The following TPRG1 variants were observed in gnomAD, a reference collection of about 807,000 sequenced individuals.
TPRG1 encodes tumor protein p63-regulated gene 1 protein.
TPRG1 carries 29 observed loss-of-function variants against 29.3 expected under a neutral mutation model. The observed-to-expected ratio is 0.99, with a 90% CI of 0.74 to 1.35. The LOEUF is 1.35. Ranked by LOEUF, TPRG1 falls within the 40% of genes most tolerant of loss-of-function variation. TPRG1 has a pLI of 0.00. For missense variants in TPRG1, 327 were observed against 335.0 expected (o/e 0.98, Z 0.19); for synonymous variants, 130 against 116.8 (o/e 1.11, Z -0.73).
At chr3:189,168,937 C>G (rs7619387), upstream of TPRG1, among the ~76,000 whole-genome samples, 12,087 of 152,228 alleles carry the variant, frequency 0.079, 529 homozygotes, top group Middle Eastern at 0.15. Context: ...TGTACTTCCT[C>G]CTGCCCATCT....
intron 5 of TPRG1, among the ~76,000 whole-genome samples, chr3:189,317,221 T>C (rs1046812270): frequency 2.0e-5 from 3 of 152,198 alleles, no homozygotes; most frequent in African/African-American, 7.2e-5. Flanking sequence ...CTTTGGATAA[T>C]CCAGACTTTG....
At chr3:189,297,183 G>A (rs2109242029) in intron 4 of TPRG1, among the ~76,000 whole-genome samples, 1 of 152,074 alleles carries the variant, frequency 6.6e-6, no homozygotes, top group African/African-American at 2.4e-5. Context: ...GTTTCACTAT[G>A]TTGGCCAAGC....
intron 4 of TPRG1, among the ~76,000 whole-genome samples, chr3:189,028,763 C>T (rs577702997): frequency 2.0e-5 from 3 of 152,274 alleles, no homozygotes; most frequent in Non-Finnish European, 4.4e-5. Context: ...TAGTAGTTAG[C>T]ATGGTCATTT....
intron 5 of TPRG1, among the ~76,000 whole-genome samples, chr3:189,165,273 A>G (rs187978715): frequency 1.3e-5 from 2 of 151,874 alleles, no homozygotes; most frequent in Non-Finnish European, 2.9e-5. Flanking sequence ...CCTGCCGCCC[A>G]GTGTTCCAGA....
intron 5 of TPRG1, among the ~76,000 whole-genome samples, chr3:189,157,860 G>A (rs1383675933): frequency 1.3e-5 from 2 of 152,180 alleles, no homozygotes; most frequent in Non-Finnish European, 2.9e-5. Context: ...CCTTCCGGCT[G>A]TAGCAAATCT....
At chr3:189,259,636 T>C (rs1432029203) in intron 4 of TPRG1, among the ~76,000 whole-genome samples, 4 of 151,644 alleles carry the variant, frequency 2.6e-5, no homozygotes, top group Non-Finnish European at 5.9e-5. Context: ...ACCCTGATAA[T>C]TTTTTGTATT....
At chr3:189,126,637 C>T (rs1244243394) in intron 1 of TPRG1, among the ~76,000 whole-genome samples, 1 of 152,106 alleles carries the variant, frequency 6.6e-6, no homozygotes, top group Non-Finnish European at 1.5e-5. Context: ...CCATTATTTC[C>T]TAGCTCTATG....
intron 4 of TPRG1, among the ~76,000 whole-genome samples, chr3:189,078,133 C>G (rs867201336): frequency 1.3e-5 from 1 of 74,328 alleles, no homozygotes; most frequent in Non-Finnish European, 3.3e-5. Flanking sequence ...TTCTTTCTTT[C>G]TTTCCTTTCT....
chr3:189,195,146 G>A (rs947532565), intron 1 of TPRG1, among the ~76,000 whole-genome samples: 3 of 152,074 alleles, frequency 2.0e-5, no homozygotes, highest in African/African-American at 7.2e-5. Context: ...TATGGTGACT[G>A]TTCTGGGCCA....
At position 189,183,628 on chromosome 3, in the gene TPRG1, G is replaced by T. The variant is rs188256159; in HGVS notation, c.-10+11497G>T. ...CCAGGCACATATTCTCTTTCCCAGG[G>T]ATGTTCCTTGCTGAGAAAAAGAATT... is the stretch of plus-strand genomic sequence containing the variant. On this transcript the variant is annotated intron_variant, in intron 1 of 5. Coordinates refer to ENST00000345063, the MANE Select transcript of TPRG1 (RefSeq NM_198485.4). 5.8e-3 allele frequency among the ~76,000 whole-genome samples: 884 copies of T among 152,098 alleles called. 10 individuals are homozygous for T. The highest frequency in any genetic ancestry group is 0.019 in the African/African-American group (778 of 41,496).
chr3:189,156,740 T>C (rs771347450), intron 5 of TPRG1, among the ~76,000 whole-genome samples: 9 of 152,206 alleles, frequency 5.9e-5, no homozygotes, highest in Non-Finnish European at 1.3e-4. Context: ...TCTATCAGTA[T>C]TTCCTCGTTG....
chr3:189,127,287 A>G (rs1284051009), intron 2 of TPRG1: 2 of 152,256 alleles, frequency 1.3e-5, no homozygotes, highest in Admixed American at 6.5e-5. Context: ...TTCAGTAGCC[A>G]GAATAGCATT....
At chr3:189,017,828 T>C (rs1293599426) in intron 3 of TPRG1, among the ~76,000 whole-genome samples, 1 of 152,160 alleles carries the variant, frequency 6.6e-6, no homozygotes, top group Non-Finnish European at 1.5e-5. Context: ...AGGGATGAAC[T>C]AGTTTACAGT....
intron 4 of TPRG1, among the ~76,000 whole-genome samples, chr3:189,286,110 A>G (rs1718017959): frequency 1.3e-5 from 2 of 152,006 alleles, no homozygotes; most frequent in South Asian, 4.2e-4. Context: ...TAAAATGCCA[A>G]AAAAATGCTT....
chr3:189,027,404 TA>T (rs551710727), intron 4 of TPRG1, among the ~76,000 whole-genome samples: 189 of 152,342 alleles, frequency 1.2e-3, no homozygotes, highest in Non-Finnish European at 2.3e-3. Flanking sequence ...GTAAGGTATG[TA>T]AATAGAAAGT....
intron 1 of TPRG1, among the ~76,000 whole-genome samples, chr3:189,185,639 G>A (rs1730824218): frequency 6.6e-6 from 1 of 151,920 alleles, no homozygotes; most frequent in Non-Finnish European, 1.5e-5. Flanking sequence ...TAAAAAAAGA[G>A]AGTAAGAATA....
chr3:189,034,326 A>G (rs886298454), intron 4 of TPRG1, among the ~76,000 whole-genome samples: 2 of 152,228 alleles, frequency 1.3e-5, no homozygotes, highest in Admixed American at 1.3e-4. Context: ...TTATCTGCAT[A>G]AGCTGCATTT....
intron 1 of TPRG1, among the ~76,000 whole-genome samples, chr3:189,197,108 A>G (rs1732667433): frequency 6.6e-6 from 1 of 152,176 alleles, no homozygotes; most frequent in Non-Finnish European, 1.5e-5. Context: ...TGTCTCAATA[A>G]CTGGGACAGA....
intron 1 of TPRG1, among the ~76,000 whole-genome samples, chr3:189,181,903 A>T (rs576430185): frequency 6.6e-6 from 1 of 152,352 alleles, no homozygotes; most frequent in Non-Finnish European, 1.5e-5. Flanking sequence ...TTAGAGTTCC[A>T]TGTGACTGGG....
Sources: allele counts gnomAD v4.1 joint callset (sites outside exome capture counted in the v4.1 genomes callset), GRCh38; gene constraint gnomAD v4.1.1; transcripts MANE v1.5; gene names NCBI Gene and HGNC (gene_info 2026-07-23, HGNC 2026-07-21).